Variants in GALNT13 observed in about 807,000 individuals in gnomAD.
GALNT13 encodes polypeptide N-acetylgalactosaminyltransferase 13.
In GALNT13, 28 loss-of-function variants were observed where a neutral mutation model predicts 64.2. That is an observed-to-expected ratio of 0.44 (90% CI 0.32 to 0.60). The LOEUF (loss-of-function observed/expected upper bound fraction) is 0.60. Ranked by LOEUF, GALNT13 falls within the 20% of genes least tolerant of loss-of-function variation. The pLI, the probability that GALNT13 is intolerant of heterozygous loss-of-function variation, is 0.05. For synonymous variants in GALNT13, 214 were observed against 224.6 expected, an observed-to-expected ratio of 0.95 and a Z score of 0.42; for missense variants, 577 against 669.8, an observed-to-expected ratio of 0.86 and a Z score of 1.53.
the GALNT13 span, among the ~76,000 whole-genome samples, chr2:153,200,062 C>T: frequency 1.4e-4 from 22 of 152,296 alleles, no homozygotes; most frequent in Admixed American, 9.1e-4. Context: ...CTGGGTACCA[C>T]ATGCCATAGG....
chr2:153,478,835 G>T, the GALNT13 span: 2 of 426,302 alleles, frequency 4.7e-6, no homozygotes, highest in Non-Finnish European at 8.5e-6. Context: ...GGAACTTGGC[G>T]GGGCTGGACC....
At chr2:153,363,299 AC>A in the GALNT13 span, among the ~76,000 whole-genome samples, 1 of 152,118 alleles carries the variant, frequency 6.6e-6, no homozygotes, top group Non-Finnish European at 1.5e-5. Context: ...TCGCAAATTG[AC>A]ACCCTAACAT....
the GALNT13 span, among the ~76,000 whole-genome samples, chr2:153,394,107 G>A: frequency 6.6e-6 from 1 of 151,976 alleles, no homozygotes; most frequent in Non-Finnish European, 1.5e-5. Context: ...GAAGCTTCAA[G>A]AGCCAGTGTA....
chr2:153,168,425 A>C, the GALNT13 span, among the ~76,000 whole-genome samples: 3 of 152,092 alleles, frequency 2.0e-5, no homozygotes, highest in South Asian at 4.2e-4. Flanking sequence ...GTCATAATTG[A>C]CAAAAAAGTT....
chr2:153,707,443 C>T, the GALNT13 span, among the ~76,000 whole-genome samples: 1 of 152,134 alleles, frequency 6.6e-6, no homozygotes, highest in South Asian at 2.1e-4. Flanking sequence ...TATTTTGATG[C>T]ACACCTCCTC....
At chr2:153,208,416 C>T in the GALNT13 span, among the ~76,000 whole-genome samples, 1 of 151,898 alleles carries the variant, frequency 6.6e-6, no homozygotes, top group Admixed American at 6.6e-5. Flanking sequence ...ATTTTTGTTG[C>T]CTTTTGTGTT....
At chr2:153,496,397 TC>T in the GALNT13 span, among the ~76,000 whole-genome samples, 7 of 152,328 alleles carry the variant, frequency 4.6e-5, 1 homozygote, top group Middle Eastern at 6.8e-3. Flanking sequence ...TTTGTTTGTT[TC>T]AGCTAAATAA....
At chr2:153,956,109 T>C (rs1223262857) in intron 3 of GALNT13, among the ~76,000 whole-genome samples, 1 of 152,196 alleles carries the variant, frequency 6.6e-6, no homozygotes, top group Non-Finnish European at 1.5e-5. Flanking sequence ...AAAATGAGGT[T>C]ACACATTGAG....
chr2:153,072,277 G>C, the GALNT13 span, among the ~76,000 whole-genome samples: 1 of 152,156 alleles, frequency 6.6e-6, no homozygotes, highest in Non-Finnish European at 1.5e-5. Context: ...TGTGGGACCG[G>C]AGCAGGATTC....
the GALNT13 span, among the ~76,000 whole-genome samples, chr2:153,518,762 A>C: frequency 1.3e-5 from 2 of 152,150 alleles, no homozygotes; most frequent in Admixed American, 6.6e-5. Flanking sequence ...ATAAATGTTT[A>C]GTGGGTTCCT....
At chr2:153,727,552 AGTGAC>A in the GALNT13 span, among the ~76,000 whole-genome samples, 1 of 152,170 alleles carries the variant, frequency 6.6e-6, no homozygotes, top group African/African-American at 2.4e-5. Flanking sequence ...AGTCTTGTAA[AGTGAC>A]TTTACCAATT....
chr2:154,181,935 T>C (rs1685982544), intron 4 of GALNT13, among the ~76,000 whole-genome samples: 1 of 152,070 alleles, frequency 6.6e-6, no homozygotes, highest in African/African-American at 2.4e-5. Context: ...TGTTATTGGT[T>C]ATCATTTGTC....
At chr2:153,420,781 C>G in the GALNT13 span, 5 of 234,554 alleles carry the variant, frequency 2.1e-5, no homozygotes, top group Non-Finnish European at 4.7e-5. Flanking sequence ...TCTCCCATCT[C>G]CTCACCCATT....
chr2:154,131,015 G>C (rs1225161539), intron 3 of GALNT13, among the ~76,000 whole-genome samples: 1 of 152,180 alleles, frequency 6.6e-6, no homozygotes, highest in Non-Finnish European at 1.5e-5. Flanking sequence ...GAAGAATGGG[G>C]AAGATAAGGA....
the GALNT13 span, among the ~76,000 whole-genome samples, chr2:153,100,498 G>A: frequency 6.6e-6 from 1 of 152,180 alleles, no homozygotes; most frequent in African/African-American, 2.4e-5. Context: ...GGAGAAAATT[G>A]TTTTGGAAGA....
Position 154,328,034 on chromosome 2 carries a change from GTTTT to G in GALNT13, c.1156+26449_1156+26452del, listed in dbSNP as rs566505833. On this transcript the variant is annotated intron_variant, in intron 9 of 12. Coordinates refer to ENST00000392825, the MANE Select transcript of GALNT13 (RefSeq NM_052917.4). ...AAGGAGCATAGTATATAGCACTTCT[GTTTT>G]TTTATTATAAAAACATTGATATGAT... is the stretch of plus-strand genomic sequence containing the variant. Among the ~76,000 whole-genome samples the G allele has an allele frequency of 3.6e-4, 55 of 151,968 alleles. No individual in the cohort carries two copies. The East Asian group carries it at 4.6e-3, about 13-fold the overall frequency.
At chr2:153,633,023 A>C in the GALNT13 span, among the ~76,000 whole-genome samples, 1 of 152,064 alleles carries the variant, frequency 6.6e-6, no homozygotes, top group Non-Finnish European at 1.5e-5. Flanking sequence ...GGCCTCCCAA[A>C]GTGCTGGGAT....
intron 3 of GALNT13, among the ~76,000 whole-genome samples, chr2:154,020,387 C>T (rs1187252299): frequency 1.9e-4 from 29 of 152,298 alleles, no homozygotes; most frequent in Non-Finnish European, 1.2e-4. Context: ...TTAATGATCA[C>T]CATTCTAACT....
the GALNT13 span, among the ~76,000 whole-genome samples, chr2:153,167,915 G>A: frequency 2.0e-5 from 3 of 152,182 alleles, no homozygotes; most frequent in African/African-American, 4.8e-5. Context: ...TCCTAAGACC[G>A]TAAGTGGTAC....
Sources: allele counts gnomAD v4.1 joint callset (sites outside exome capture counted in the v4.1 genomes callset), GRCh38; gene constraint gnomAD v4.1.1; transcripts MANE v1.5; gene names NCBI Gene and HGNC (gene_info 2026-07-23, HGNC 2026-07-21).